Variants in SLC35B4 observed in about 807,000 individuals in gnomAD.
SLC35B4 encodes solute carrier family 35 member B4.
SLC35B4 carries 28 observed loss-of-function variants against 39.5 expected under a neutral mutation model. The ratio of observed to expected loss-of-function variants is 0.71; its 90% CI spans 0.53 to 0.97. The LOEUF (loss-of-function observed/expected upper bound fraction) is 0.97. Among genes scored for constraint, SLC35B4 ranks in the 50% least tolerant of loss-of-function variants. The probability of loss-of-function intolerance (pLI) is 0.00; values close to 1 mark genes in which losing one functional copy is unlikely to be tolerated. For missense variants in SLC35B4, 334 were observed against 414.3 expected, an observed-to-expected ratio of 0.81 and a Z score of 1.68; for synonymous variants, 145 against 150.4, an observed-to-expected ratio of 0.96 and a Z score of 0.26.
At chr7:134,299,626 G>A (rs151310484) in intron 7 of SLC35B4, 28 bp from the exon 8 acceptor site, 26 of 1,573,158 alleles carry the variant, frequency 1.7e-5, no homozygotes, top group South Asian at 1.6e-4. Context: ...TCAGATAAAT[G>A]TAAGTGCAAA....
chr7:134,294,601 G>A lies in SLC35B4; in HGVS notation c.*232C>T. The A allele has an allele frequency of 2.2e-6, 1 of 459,982 alleles. No individual in the cohort carries two copies. Among genetic ancestry groups the A allele is most frequent in the Non-Finnish European group, 3.9e-6 (1 of 255,680 alleles). 28.5% of individuals were successfully genotyped at this position (459,982 alleles called of 1,614,324 possible). On this transcript the variant is annotated 3_prime_UTR_variant, in exon 10 of 10. Coordinates refer to ENST00000378509, the MANE Select transcript of SLC35B4 (RefSeq NM_032826.5). ...TAAACAAAACAGAAATAAATGAATG[G>A]GCTGTTCAATAGTCCAGAACTGTTC... is the stretch of plus-strand genomic sequence containing the variant.
At chr7:134,304,934 G>C (rs988956240) in intron 3 of SLC35B4, 80 bp from the exon 4 acceptor site, 1 of 1,068,246 alleles carries the variant, frequency 9.4e-7, no homozygotes, top group Non-Finnish European at 1.4e-6. Context: ...TAGGAACATG[G>C]GCAAGGGGAA....
At position 134,289,671 on chromosome 7, in the gene SLC35B4, T is replaced by C. The variant is rs1803292619; in HGVS notation, c.*5162A>G. 1 of 152,536 alleles carries C rather than the reference T, an allele frequency of 6.6e-6. No homozygotes were observed. Among genetic ancestry groups the C allele is most frequent in the African/African-American group, 2.4e-5 (1 of 41,430 alleles). The allele number at this position is 152,536 out of a possible 1,614,324, so 9.4% of individuals were successfully genotyped here. A position where few individuals can be genotyped will look rare whatever the true frequency, so the allele number is the denominator to read the frequency against. The stretch of plus-strand genomic sequence containing the variant: ...GGCCATTCTCTGGAATGAAAGCAAC[T>C]GGCACAGAAATGACTGGCAATCGCA... On this transcript the variant is annotated 3_prime_UTR_variant, in exon 10 of 10. Coordinates refer to ENST00000378509, the MANE Select transcript of SLC35B4 (RefSeq NM_032826.5).
At position 134,292,077 on chromosome 7, in the gene SLC35B4, T is replaced by C. The variant is rs993147151; in HGVS notation, c.*2756A>G. On this transcript the variant is annotated 3_prime_UTR_variant, in exon 10 of 10. Transcript: ENST00000378509. ...TCTTTGTAAACAAACAGTATCTTCATCTCTGAAGCATAAAATTACATGGTC... is the reference window on the plus strand; with the variant it reads ...TCTTTGTAAACAAACAGTATCTTCACCTCTGAAGCATAAAATTACATGGTC... 5 of 154,746 alleles carry C rather than the reference T, an allele frequency of 3.2e-5. No individual in the cohort carries two copies. Among genetic ancestry groups the C allele is most frequent in the African/African-American group, 1.2e-4 (5 of 41,530 alleles). 9.6% of individuals were successfully genotyped at this position (154,746 alleles called of 1,614,324 possible).
intron 3 of SLC35B4, among the ~76,000 whole-genome samples, chr7:134,305,405 T>C (rs1000740359): frequency 2.6e-5 from 4 of 152,154 alleles, no homozygotes; most frequent in Non-Finnish European, 5.9e-5. Flanking sequence ...ATTCTCAATA[T>C]AGTCATTATC....
At chr7:134,307,757 C>T (rs1334510027) in intron 2 of SLC35B4, among the ~76,000 whole-genome samples, 5 of 152,228 alleles carry the variant, frequency 3.3e-5, no homozygotes, top group Admixed American at 6.5e-5. Flanking sequence ...ACCGATTCTG[C>T]GTTGCTAGTT....
Position 134,291,414 on chromosome 7 carries a change from A to C in SLC35B4, c.*3419T>G, listed in dbSNP as rs73443124. ...AGGCATAAACAGATACAAGATGATA[A>C]GTCTTTCTTAGCAGAAAACGCTGCA... On this transcript the variant is annotated 3_prime_UTR_variant, in exon 10 of 10. Coordinates refer to ENST00000378509, the MANE Select transcript of SLC35B4 (RefSeq NM_032826.5). The C allele has an allele frequency of 2.0e-5, 3 of 152,218 alleles. No individual in the cohort carries two copies. The highest frequency in any genetic ancestry group is 4.4e-5 in the Non-Finnish European group (3 of 68,042). 9.4% of individuals were successfully genotyped at this position (152,218 alleles called of 1,614,324 possible).
intron 1 of SLC35B4, among the ~76,000 whole-genome samples, chr7:134,312,296 G>T (rs1476671413): frequency 6.6e-6 from 1 of 152,122 alleles, no homozygotes; most frequent in Non-Finnish European, 1.5e-5. Flanking sequence ...TCCAAAAGAG[G>T]CTTCAAAGTT....
intron 9 of SLC35B4, among the ~76,000 whole-genome samples, chr7:134,296,134 A>C (rs938594930): frequency 6.6e-6 from 1 of 152,112 alleles, no homozygotes; most frequent in African/African-American, 2.4e-5. Flanking sequence ...CGCCACTATC[A>C]ATCAATGGAC....
rs765938433 is a variant in SLC35B4 at position 134,295,020 on chromosome 7, G to GT, written c.808dup (p.Thr270AsnfsTer54). On this transcript the variant is annotated frameshift_variant, in exon 10 of 10. Coordinates refer to ENST00000378509, the MANE Select transcript of SLC35B4 (RefSeq NM_032826.5). LOFTEE classifies it high-confidence loss of function. The stretch of plus-strand genomic sequence containing the variant: ...AAATTTGCGTAGGGTCACGACGAGC[G>GT]TGACGGTGAGGGAGGCGCATTCTGT... 3 of 1,614,222 alleles carry GT rather than the reference G, an allele frequency of 1.9e-6. No individual in the cohort carries two copies. The highest frequency in any genetic ancestry group is 1.7e-6 in the Non-Finnish European group (2 of 1,180,034).
chr7:134,295,326 G>A (rs987742160), intron 9 of SLC35B4: 4 of 446,814 alleles, frequency 9.0e-6, no homozygotes, highest in Non-Finnish European at 1.6e-5. Flanking sequence ...GTCTTCCTAT[G>A]GTTACAATGA....
intron 4 of SLC35B4, among the ~76,000 whole-genome samples, chr7:134,303,301 G>A (rs1803633102): frequency 6.6e-6 from 1 of 152,024 alleles, no homozygotes; most frequent in Non-Finnish European, 1.5e-5. Context: ...AACATTTTGG[G>A]GCACTATCAG....
chr7:134,318,614 C>T (rs1804047582), upstream of SLC35B4, among the ~76,000 whole-genome samples: 1 of 152,084 alleles, frequency 6.6e-6, no homozygotes, highest in African/African-American at 2.4e-5. Context: ...ATAATCCTGC[C>T]AACAGGAAGC....
chr7:134,295,932 C>T (rs1029095123), intron 9 of SLC35B4, among the ~76,000 whole-genome samples: 4 of 152,110 alleles, frequency 2.6e-5, no homozygotes, highest in African/African-American at 9.7e-5. Flanking sequence ...TGGGTTCAAG[C>T]GATTCTCCTG....
intron 6 of SLC35B4, among the ~76,000 whole-genome samples, chr7:134,301,199 G>C (rs929955399): frequency 6.6e-6 from 1 of 152,104 alleles, no homozygotes; most frequent in African/African-American, 2.4e-5. Flanking sequence ...GAAAGCCCTT[G>C]GAACGAGTCT....
Position 134,294,587 on chromosome 7 carries a change from GAAAT to G in SLC35B4, c.*242_*245del. 1 of 424,498 alleles carries G rather than the reference GAAAT, an allele frequency of 2.4e-6. No homozygotes were observed. Among genetic ancestry groups the G allele is most frequent in the South Asian group, 3.7e-5 (1 of 27,334 alleles). 26.3% of individuals were successfully genotyped at this position (424,498 alleles called of 1,614,324 possible). A position where few individuals can be genotyped will look rare whatever the true frequency, so the allele number is the denominator to read the frequency against. On this transcript the variant is annotated 3_prime_UTR_variant, in exon 10 of 10. Coordinates refer to ENST00000378509, the MANE Select transcript of SLC35B4 (RefSeq NM_032826.5). ...ACTGAATATGTCGGTAAACAAAACAGAAATAAATGAATGGGCTGTTCAATAGTCC... is the reference window on the plus strand; with the variant it reads ...ACTGAATATGTCGGTAAACAAAACAGAAATGAATGGGCTGTTCAATAGTCC...
At chr7:134,320,330 T>C (rs914230252), upstream of SLC35B4, among the ~76,000 whole-genome samples, 7 of 152,150 alleles carry the variant, frequency 4.6e-5, no homozygotes, top group African/African-American at 1.7e-4. Flanking sequence ...CTGTGCTTGC[T>C]CACAACATGG....
chr7:134,306,975 T>C (rs902338593), intron 2 of SLC35B4, among the ~76,000 whole-genome samples: 1 of 152,212 alleles, frequency 6.6e-6, no homozygotes, highest in Non-Finnish European at 1.5e-5. Context: ...AAAATCTAAG[T>C]TATAAAATAC....
intron 2 of SLC35B4, among the ~76,000 whole-genome samples, chr7:134,308,420 T>G (rs935244546): frequency 6.6e-6 from 1 of 152,334 alleles, no homozygotes; most frequent in South Asian, 2.1e-4. Flanking sequence ...GGGCTTTTAC[T>G]GCAATATAAA....
Sources: allele counts gnomAD v4.1 joint callset (sites outside exome capture counted in the v4.1 genomes callset), GRCh38; gene constraint gnomAD v4.1.1; transcripts MANE v1.5; gene names NCBI Gene and HGNC (gene_info 2026-07-23, HGNC 2026-07-21).